PTPRD: variants seen among roughly 807,000 people sequenced by gnomAD.
PTPRD encodes receptor-type tyrosine-protein phosphatase delta.
In PTPRD, 34 loss-of-function variants were observed where a neutral mutation model predicts 214.5. That is an observed-to-expected ratio of 0.16 (90% confidence interval 0.12 to 0.21). PTPRD has a LOEUF of 0.21. Ranked by LOEUF, PTPRD falls within the 10% of genes least tolerant of loss-of-function variation. The pLI, the probability that PTPRD is intolerant of heterozygous loss-of-function variation, is 1.00. For missense variants in PTPRD, 2,545 were observed against 2,398.7 expected (o/e 1.06, Z -1.27); for synonymous variants, 1,128 against 845.7 (o/e 1.33, Z -5.79).
rs546652463 is a variant in PTPRD, at chr9:9,868,929, T to A, written c.-368+69578A>T. ...TGTAAGAAAGATATCCTTCAACCAT[T>A]GACAAGGAAAAAAAAGAATATTTGC... On this transcript the variant is annotated intron_variant, in intron 5 of 45. Coordinates refer to ENST00000381196, the MANE Select transcript of PTPRD (RefSeq NM_002839.4). Among the ~76,000 whole-genome samples the A allele has an allele frequency of 1.4e-4, 22 of 151,956 alleles. No homozygotes were observed. In the South Asian group the frequency reaches 3.7e-3, roughly 26 times the overall value.
intron 3 of PTPRD, among the ~76,000 whole-genome samples, chr9:10,315,661 C>T (rs1026374852): frequency 5.9e-5 from 9 of 151,804 alleles, no homozygotes; most frequent in East Asian, 1.9e-4. Context: ...TCCTAAGATA[C>T]GACAAATAAT....
chr9:9,003,439 T>C (rs571126073), intron 11 of PTPRD, among the ~76,000 whole-genome samples: 1 of 152,150 alleles, frequency 6.6e-6, no homozygotes, highest in Admixed American at 6.6e-5. Flanking sequence ...CCCTCTCAAA[T>C]GCCTATTCTC....
At chr9:9,453,297 G>C (rs920465955) in intron 8 of PTPRD, among the ~76,000 whole-genome samples, 2 of 151,504 alleles carry the variant, frequency 1.3e-5, no homozygotes, top group African/African-American at 4.8e-5. Flanking sequence ...TGCATATTCA[G>C]AGGCTGCCAC....
At chr9:10,210,851 C>T (rs1183454919) in intron 3 of PTPRD, among the ~76,000 whole-genome samples, 1 of 120,098 alleles carries the variant, frequency 8.3e-6, no homozygotes, top group Non-Finnish European at 1.7e-5. Context: ...ATAATCAAAC[C>T]ACTTCTTACT....
intron 9 of PTPRD, among the ~76,000 whole-genome samples, chr9:9,239,103 A>G (rs1216203348): frequency 1.8e-4 from 28 of 151,722 alleles, no homozygotes; most frequent in Admixed American, 1.7e-3. Context: ...ATGTAAATCT[A>G]TTACCCTGTC....
At chr9:9,294,290 T>C (rs931557239) in intron 9 of PTPRD, among the ~76,000 whole-genome samples, 2 of 151,736 alleles carry the variant, frequency 1.3e-5, no homozygotes, top group African/African-American at 2.4e-5. Context: ...CAAGGCTAAA[T>C]GAGGAGTACT....
chr9:9,318,178 G>C (rs1195113502), intron 9 of PTPRD, among the ~76,000 whole-genome samples: 2 of 102,112 alleles, frequency 2.0e-5, no homozygotes, highest in Non-Finnish European at 4.2e-5. Context: ...ATCAAAAAAA[G>C]AAACAAAAAA....
At chr9:9,317,767 T>C (rs1226946269) in intron 9 of PTPRD, among the ~76,000 whole-genome samples, 1 of 152,092 alleles carries the variant, frequency 6.6e-6, no homozygotes, top group Non-Finnish European at 1.5e-5. Context: ...TCACCACAGA[T>C]ATAAAATGGA....
chr9:8,377,987 C>T (rs908224655), intron 37 of PTPRD, among the ~76,000 whole-genome samples: 3 of 151,954 alleles, frequency 2.0e-5, no homozygotes, highest in African/African-American at 7.3e-5. Context: ...CAGAATTTCC[C>T]AGACAAGACA....
intron 2 of PTPRD, among the ~76,000 whole-genome samples, chr9:10,523,623 A>ATATATATATATATATATATG (rs57535661): frequency 8.7e-6 from 1 of 115,598 alleles, no homozygotes; most frequent in Non-Finnish European, 1.9e-5. Context: ...ATATATATAT[A>ATATATATATATATATATATG]GACAGAAAGA....
rs186259826 is a variant in PTPRD, at chr9:8,476,590, A to T, written c.3414-5505T>A. Among the ~76,000 whole-genome samples, 47 of 152,112 alleles carry T rather than the reference A, an allele frequency of 3.1e-4. No individual in the cohort carries two copies. In the East Asian group the frequency reaches 7.4e-3, roughly 24 times the overall value. On this transcript the variant is annotated intron_variant, in intron 30 of 45. Transcript: ENST00000381196. ...TATTTTCTAAGTGAAATCTTCTCTGATTTTTTTTAAACCTATTACCCCCAT... is the reference window on the plus strand; with the variant it reads ...TATTTTCTAAGTGAAATCTTCTCTGTTTTTTTTTAAACCTATTACCCCCAT...
intron 36 of PTPRD, among the ~76,000 whole-genome samples, chr9:8,394,390 A>C (rs1381256702): frequency 6.6e-6 from 1 of 152,170 alleles, no homozygotes; most frequent in Non-Finnish European, 1.5e-5. Context: ...CCTAAGGGGA[A>C]GGATCATAAT....
intron 8 of PTPRD, among the ~76,000 whole-genome samples, chr9:9,467,510 C>G (rs2094275452): frequency 6.9e-6 from 1 of 144,732 alleles, no homozygotes; most frequent in African/African-American, 2.5e-5. Context: ...TTGCTTGAAC[C>G]CAGGAAGCGG....
chr9:10,569,177 T>C (rs1388070162), intron 2 of PTPRD, among the ~76,000 whole-genome samples: 2 of 152,068 alleles, frequency 1.3e-5, no homozygotes, highest in Non-Finnish European at 1.5e-5. Flanking sequence ...AAAATGCTCA[T>C]CATCACTGGC....
chr9:10,359,439 G>C (rs755765274), intron 2 of PTPRD, among the ~76,000 whole-genome samples: 4 of 151,692 alleles, frequency 2.6e-5, no homozygotes, highest in African/African-American at 9.7e-5. Flanking sequence ...CCAACTCTTG[G>C]TAATAAGTAA....
At chr9:8,830,141 A>G (rs959286885) in intron 11 of PTPRD, among the ~76,000 whole-genome samples, 4 of 152,138 alleles carry the variant, frequency 2.6e-5, no homozygotes, top group African/African-American at 9.7e-5. Context: ...TACTGTTATT[A>G]TGTTCATTTT....
rs370365400 is a variant in PTPRD at position 8,486,909 on chromosome 9, A to G, written c.2468-560T>C. ...AACTTTCCAAGGCTAGCATGTAACA[A>G]GTGAGAAATCTATAAGGCAAACCCA... On this transcript the variant is annotated intron_variant, in intron 27 of 45. Transcript: ENST00000381196. 1.5e-4 allele frequency among the ~76,000 whole-genome samples: 23 copies of G among 152,276 alleles called. 1 individual carries two copies. In the South Asian group the frequency reaches 4.8e-3, roughly 32 times the overall value.
chr9:9,920,087 T>A (rs1405319089), intron 5 of PTPRD, among the ~76,000 whole-genome samples: 1 of 152,140 alleles, frequency 6.6e-6, no homozygotes, highest in Non-Finnish European at 1.5e-5. Flanking sequence ...TTCTTAGACA[T>A]GTTTTAAGTT....
chr9:8,370,530 C>T (rs1407070354), intron 39 of PTPRD, among the ~76,000 whole-genome samples: 3 of 152,038 alleles, frequency 2.0e-5, no homozygotes, highest in Non-Finnish European at 4.4e-5. Context: ...ACAGTAATGG[C>T]TCCATGATTG....
Sources: gnomAD v4.1 joint callset for allele counts (sites outside exome capture counted in the v4.1 genomes callset) on GRCh38, gnomAD v4.1.1 for gene constraint, MANE v1.5 for transcripts, NCBI Gene and HGNC (gene_info 2026-07-23, HGNC 2026-07-21) for gene names.